DMD: variants seen among roughly 807,000 people sequenced by gnomAD.
DMD encodes mutant dystrophin.
In DMD, 63 loss-of-function variants were observed where a neutral mutation model predicts 330.1. The ratio of observed to expected loss-of-function variants is 0.19; its 90% CI spans 0.16 to 0.24. DMD has a LOEUF of 0.24. Ranked by LOEUF, DMD falls within the 10% of genes least tolerant of loss-of-function variation. The probability of loss-of-function intolerance (pLI) is 1.00; values close to 1 mark genes in which losing one functional copy is unlikely to be tolerated. For synonymous variants in DMD, 1,223 were observed against 959.8 expected (o/e 1.27, Z -5.07); for missense variants, 3,344 against 2,684.1 (o/e 1.25, Z -5.43).
At chrX:31,647,396 A>G (rs919729866) in intron 54 of DMD, among the ~76,000 whole-genome samples, 1 of 112,139 alleles carries the variant, frequency 8.9e-6, no homozygotes, top group Non-Finnish European at 1.9e-5. Flanking sequence ...TAGCATTTCT[A>G]TTTTAATAGG....
chrX:32,585,183 G>C (rs774345511), intron 13 of DMD, among the ~76,000 whole-genome samples: 3 of 110,888 alleles, frequency 2.7e-5, no homozygotes, highest in Admixed American at 9.7e-5. Flanking sequence ...CTGGAGACTG[G>C]GAAGAGTGTG....
intron 50 of DMD, among the ~76,000 whole-genome samples, chrX:31,798,134 C>G (rs1042715537): frequency 1.8e-5 from 2 of 111,756 alleles, no homozygotes; most frequent in Admixed American, 9.5e-5. Flanking sequence ...TACTTCATCC[C>G]CCTTTTAAAA....
At chrX:31,670,833 G>C (rs763693895) in intron 53 of DMD, among the ~76,000 whole-genome samples, 2 of 111,293 alleles carry the variant, frequency 1.8e-5, no homozygotes, top group East Asian at 5.6e-4. Context: ...TTCTACATAA[G>C]GTCACATTTG....
intron 62 of DMD, among the ~76,000 whole-genome samples, chrX:31,308,973 C>A (rs1229911297): frequency 9.0e-6 from 1 of 111,239 alleles, no homozygotes; most frequent in African/African-American, 3.3e-5. Flanking sequence ...AGGTGATTTG[C>A]CCACCTCAGC....
At chrX:33,066,071 A>C (rs2148119043) in intron 1 of DMD, among the ~76,000 whole-genome samples, 1 of 109,847 alleles carries the variant, frequency 9.1e-6, no homozygotes, top group South Asian at 3.9e-4. Context: ...AAAAAAAAAA[A>C]ACCACCTTAA....
Position 32,427,501 on chromosome X carries a change from C to T in DMD, c.4071+10740G>A, listed in dbSNP as rs187865818. Among the ~76,000 whole-genome samples, 54 of 111,124 alleles carry T rather than the reference C, an allele frequency of 4.9e-4. No homozygotes were observed. In the East Asian group the frequency reaches 0.014, roughly 28 times the overall value. On this transcript the variant is annotated intron_variant, in intron 29 of 78. Coordinates refer to ENST00000357033, the MANE Select transcript of DMD (RefSeq NM_004006.3). ...AAAGGGAGAACATTAAGCTTAAACACTGTTTCATACACACTTGGATCCAGT... is the reference window on the plus strand; with the variant it reads ...AAAGGGAGAACATTAAGCTTAAACATTGTTTCATACACACTTGGATCCAGT...
intron 45 of DMD, among the ~76,000 whole-genome samples, chrX:31,967,859 T>G (rs1312485357): frequency 8.9e-6 from 1 of 111,926 alleles, no homozygotes; most frequent in Admixed American, 9.5e-5. Context: ...CCTCTTTGGC[T>G]CAAGTTCCCC....
chrX:31,508,048 A>G (rs398124064), intron 55 of DMD, among the ~76,000 whole-genome samples: 3 of 112,053 alleles, frequency 2.7e-5, no homozygotes, highest in African/African-American at 9.7e-5. Context: ...GTACAGCATC[A>G]TACATTTATT....
intron 1 of DMD, among the ~76,000 whole-genome samples, chrX:33,109,575 A>C (rs1226678325): frequency 1.2e-5 from 1 of 80,461 alleles, no homozygotes; most frequent in Non-Finnish European, 2.9e-5. Flanking sequence ...CGTGTAGTGT[A>C]GTGCTAAAAA....
chrX:32,068,373 C>CTTTTTTTTT (rs1569539146), intron 44 of DMD, among the ~76,000 whole-genome samples: 1 of 60,508 alleles, frequency 1.7e-5, no homozygotes, highest in African/African-American at 7.6e-5. Context: ...CCTTGCTTGT[C>CTTTTTTTTT]ATTTTTTTTT....
At chrX:31,687,517 G>A (rs2082764971) in intron 52 of DMD, among the ~76,000 whole-genome samples, 1 of 111,702 alleles carries the variant, frequency 9.0e-6, no homozygotes, top group Admixed American at 9.5e-5. Flanking sequence ...GTGAACACCA[G>A]TGGAGGCCAA....
chrX:33,239,385 G>A (rs1364236038), intron 1 of DMD, among the ~76,000 whole-genome samples: 1 of 107,017 alleles, frequency 9.3e-6, no homozygotes, highest in Non-Finnish European at 1.9e-5. Context: ...ACACAGTTAT[G>A]TATGCAACAG....
chrX:31,720,569 G>A (rs754938588), intron 52 of DMD, among the ~76,000 whole-genome samples: 14 of 111,492 alleles, frequency 1.3e-4, no homozygotes, highest in African/African-American at 4.2e-4. Flanking sequence ...CTTTGTCTGA[G>A]TATAAAATTC....
At chrX:32,188,265 G>A (rs2096956522) in intron 44 of DMD, among the ~76,000 whole-genome samples, 1 of 107,755 alleles carries the variant, frequency 9.3e-6, no homozygotes, top group African/African-American at 3.4e-5. Flanking sequence ...TTTAAAACTT[G>A]GTTTATGATT....
chrX:32,377,468 T>A (rs2097908143), intron 34 of DMD, among the ~76,000 whole-genome samples: 1 of 111,745 alleles, frequency 8.9e-6, no homozygotes, highest in African/African-American at 3.2e-5. Context: ...AGCCAATTTC[T>A]CTGTGACTGG....
At position 32,702,723 on chromosome X, in the gene DMD, C is replaced by A. The variant is rs924762189; in HGVS notation, c.650-3430G>T. Among the ~76,000 whole-genome samples, 3 of 111,244 alleles carry A rather than the reference C, an allele frequency of 2.7e-5. No homozygotes were observed. In the Admixed American group the frequency reaches 2.9e-4, roughly 11 times the overall value. Reference sequence around the variant, plus strand: ...TATAAAGTGTTCAAGATCTAAGGTACAACTGTGTACGGGGGAAATGAAAAC... The same window carrying A: ...TATAAAGTGTTCAAGATCTAAGGTAAAACTGTGTACGGGGGAAATGAAAAC... On this transcript the variant is annotated intron_variant, in intron 7 of 78. Transcript: ENST00000357033.
intron 2 of DMD, among the ~76,000 whole-genome samples, chrX:32,919,859 A>G (rs760825159): frequency 1.1e-4 from 12 of 111,716 alleles, no homozygotes; most frequent in Admixed American, 6.7e-4. Flanking sequence ...GCTTTAAGGA[A>G]ACTAAATCCC....
chrX:32,687,416 G>A (rs1434985421), intron 9 of DMD, among the ~76,000 whole-genome samples: 1 of 111,780 alleles, frequency 8.9e-6, no homozygotes, highest in Non-Finnish European at 1.9e-5. Flanking sequence ...TTGGGTTTAT[G>A]TTTCTGCCCC....
intron 17 of DMD, among the ~76,000 whole-genome samples, chrX:32,539,196 A>C (rs1348301834): frequency 2.7e-5 from 3 of 109,271 alleles, no homozygotes; most frequent in African/African-American, 6.7e-5. Flanking sequence ...TTTAACAAAA[A>C]ATAGTGTCTA....
Sources: allele counts gnomAD v4.1 joint callset (sites outside exome capture counted in the v4.1 genomes callset), GRCh38; gene constraint gnomAD v4.1.1; transcripts MANE v1.5; gene names NCBI Gene and HGNC (gene_info 2026-07-23, HGNC 2026-07-21).